Variants in REDIC1 observed in about 807,000 individuals in gnomAD.
REDIC1 encodes regulator of DNA class I crossover intermediates 1.
At chr12:39,643,936 A>G in the REDIC1 span, 1 of 1,501,718 alleles carries the variant, frequency 6.7e-7, no homozygotes, top group Admixed American at 2.0e-5. Flanking sequence ...TTCCAATTGC[A>G]TTCTGTTTTG....
chr12:39,902,862 C>T, the REDIC1 span, among the ~76,000 whole-genome samples: 1 of 152,002 alleles, frequency 6.6e-6, no homozygotes, highest in African/African-American at 2.4e-5. Context: ...AATAAGCAAC[C>T]AGGAAATAAA....
At chr12:39,673,315 A>G in the REDIC1 span, among the ~76,000 whole-genome samples, 4 of 152,060 alleles carry the variant, frequency 2.6e-5, no homozygotes, top group African/African-American at 4.8e-5. Context: ...TTTAAATTTT[A>G]TTAGTTAGTA....
At chr12:39,845,279 T>A in the REDIC1 span, among the ~76,000 whole-genome samples, 3 of 152,108 alleles carry the variant, frequency 2.0e-5, no homozygotes, top group Non-Finnish European at 4.4e-5. Context: ...GGGACCCATT[T>A]GTGCTATTTT....
chr12:39,729,272 T>C, the REDIC1 span, among the ~76,000 whole-genome samples: 2 of 152,212 alleles, frequency 1.3e-5, no homozygotes, highest in Non-Finnish European at 2.9e-5. Flanking sequence ...TTTAGATCTT[T>C]CCCGTCTTCT....
chr12:39,896,479 T>C, the REDIC1 span, among the ~76,000 whole-genome samples: 5 of 140,470 alleles, frequency 3.6e-5, no homozygotes, highest in Admixed American at 7.5e-5. Context: ...TATATGTATA[T>C]GTGTATATAT....
the REDIC1 span, among the ~76,000 whole-genome samples, chr12:39,848,779 C>T: frequency 1.3e-5 from 2 of 152,120 alleles, no homozygotes; most frequent in African/African-American, 4.8e-5. Context: ...CATAAATGCC[C>T]TTCAATGAAA....
chr12:39,807,206 T>C, the REDIC1 span, among the ~76,000 whole-genome samples: 3 of 152,176 alleles, frequency 2.0e-5, no homozygotes, highest in African/African-American at 4.8e-5. Context: ...CAGGGCCACG[T>C]AGGATGTGGG....
the REDIC1 span, chr12:39,829,404 T>TTTTTTTTA: frequency 9.6e-6 from 1 of 103,976 alleles, no homozygotes; most frequent in Non-Finnish European, 1.9e-5. Flanking sequence ...TTTTTTTTTT[T>TTTTTTTTA]TTTTTTTTTT....
At chr12:39,720,769 T>C in the REDIC1 span, 3 of 1,567,102 alleles carry the variant, frequency 1.9e-6, no homozygotes, top group Non-Finnish European at 2.6e-6. Context: ...TAGAGCAAAA[T>C]TATTAATTTC....
chr12:39,875,400 C>T, the REDIC1 span, among the ~76,000 whole-genome samples: 1 of 152,186 alleles, frequency 6.6e-6, no homozygotes, highest in South Asian at 2.1e-4. Context: ...TGGCTCCACT[C>T]AGAAAATCCA....
the REDIC1 span, among the ~76,000 whole-genome samples, chr12:39,687,385 T>G: frequency 6.6e-6 from 1 of 152,206 alleles, no homozygotes; most frequent in African/African-American, 2.4e-5. Flanking sequence ...TGGGGAAGAA[T>G]TGGCTTCTGG....
chr12:39,682,088 T>G, the REDIC1 span, among the ~76,000 whole-genome samples: 1 of 152,178 alleles, frequency 6.6e-6, no homozygotes. Flanking sequence ...CTTGGTTTTA[T>G]TATGTATATA....
chr12:39,657,453 G>C, the REDIC1 span, among the ~76,000 whole-genome samples: 1 of 152,172 alleles, frequency 6.6e-6, no homozygotes, highest in Non-Finnish European at 1.5e-5. Flanking sequence ...AGTGATACAT[G>C]ATTGTAATTT....
the REDIC1 span, chr12:39,643,734 A>C: frequency 3.7e-6 from 5 of 1,333,606 alleles, no homozygotes; most frequent in Non-Finnish European, 5.2e-6. Flanking sequence ...ATTCTGTCTA[A>C]AACCGCATAT....
chr12:39,782,464 A>G, the REDIC1 span, among the ~76,000 whole-genome samples: 1 of 152,080 alleles, frequency 6.6e-6, no homozygotes, highest in African/African-American at 2.4e-5. Flanking sequence ...ACCACGTAAG[A>G]TGTGCCCTTT....
At chr12:39,647,822 C>T in the REDIC1 span, 7 of 1,599,516 alleles carry the variant, frequency 4.4e-6, no homozygotes, top group Non-Finnish European at 6.0e-6. Flanking sequence ...TAGTATGCTT[C>T]ACCCTCAGTT....
the REDIC1 span, among the ~76,000 whole-genome samples, chr12:39,832,564 G>T: frequency 2.0e-5 from 3 of 151,918 alleles, no homozygotes; most frequent in Admixed American, 2.0e-4. Flanking sequence ...TTTCCTGCTT[G>T]CTTATTAAAT....
chr12:39,834,014 T>G, the REDIC1 span, among the ~76,000 whole-genome samples: 1 of 151,934 alleles, frequency 6.6e-6, no homozygotes, highest in Non-Finnish European at 1.5e-5. Flanking sequence ...CAAACAGGCC[T>G]CACTGAGTTC....
At chr12:39,693,015 G>A in the REDIC1 span, among the ~76,000 whole-genome samples, 1 of 151,960 alleles carries the variant, frequency 6.6e-6, no homozygotes, top group Admixed American at 6.6e-5. Context: ...ATATTTCTCT[G>A]ATTACTAATT....
Sources: gnomAD v4.1 joint callset for allele counts (sites outside exome capture counted in the v4.1 genomes callset) on GRCh38, gnomAD v4.1.1 for gene constraint, MANE v1.5 for transcripts, NCBI Gene and HGNC (gene_info 2026-07-23, HGNC 2026-07-21) for gene names.